Variants in ASAP1 observed in about 807,000 individuals in gnomAD.
ASAP1 encodes ArfGAP with SH3 domain, ankyrin repeat and PH domain 1.
ASAP1 carries 43 observed loss-of-function variants against 145.2 expected under a neutral mutation model. That is an observed-to-expected ratio of 0.30 (90% CI 0.23 to 0.38). ASAP1 has a LOEUF of 0.38. Ranked by LOEUF, ASAP1 falls within the 10% of genes least tolerant of loss-of-function variation. The pLI, the probability that ASAP1 is intolerant of heterozygous loss-of-function variation, is 1.00. For missense variants in ASAP1, 1,018 were observed against 1,355.3 expected (o/e 0.75, Z 3.91); for synonymous variants, 546 against 515.5 (o/e 1.06, Z -0.80).
At chr8:130,323,868 A>AT (rs1484116007) in intron 3 of ASAP1, among the ~76,000 whole-genome samples, 1 of 151,694 alleles carries the variant, frequency 6.6e-6, no homozygotes, top group South Asian at 2.1e-4. Flanking sequence ...ATTACCAGGC[A>AT]TTAAAAAAAA....
chr8:130,116,566 A>C (rs2097556380), intron 22 of ASAP1, 112 bp downstream of exon 22: 7 of 898,054 alleles, frequency 7.8e-6, no homozygotes, highest in Non-Finnish European at 1.1e-5. Context: ...TTTCTTTAGC[A>C]AGTGTTAAAA....
At chr8:130,200,562 A>G (rs1223634131) in intron 5 of ASAP1, among the ~76,000 whole-genome samples, 1 of 152,262 alleles carries the variant, frequency 6.6e-6, no homozygotes, top group Non-Finnish European at 1.5e-5. Context: ...AAAAAATTAT[A>G]TGACTTTAAA....
At chr8:130,188,020 C>A in intron 6 of ASAP1, 89 bp downstream of exon 6, 2 of 937,072 alleles carry the variant, frequency 2.1e-6, no homozygotes, top group South Asian at 1.5e-5. Flanking sequence ...AAGAGTCTTT[C>A]AAATACAAGT....
At chr8:130,256,760 T>TATATATATATATATATATCC (rs1819578218) in intron 3 of ASAP1, among the ~76,000 whole-genome samples, 1 of 95,480 alleles carries the variant, frequency 1.0e-5, no homozygotes, top group African/African-American at 3.7e-5. Context: ...TATATATATA[T>TATATATATATATATATATCC]ATATATATAT....
Position 130,060,799 on chromosome 8 carries a change from G to A in ASAP1, c.2972C>T (p.Pro991Leu). The A allele has an allele frequency of 6.2e-7, 1 of 1,614,104 alleles. No individual in the cohort carries two copies. Among genetic ancestry groups the A allele is most frequent in the Non-Finnish European group, 8.5e-7 (1 of 1,180,020 alleles). The stretch of plus-strand genomic sequence containing the variant: ...TAGCAGGTCTCCCAGCTGTGGTTTG[G>A]GGGGCAGGTCCTTCATCTGTGGTTT... ...PPKPQMKDLP[P>L]KPQLGDLLAK... Residue 991 changes from proline (P) to leucine (L), a missense_variant, in exon 28 of 30, where the codon CCC becomes CTC. This residue lies in a region of ASAP1 where 139 missense variants were observed against 131.0 expected (regional missense o/e 1.06). Coordinates refer to ENST00000518721, the MANE Select transcript of ASAP1 (RefSeq NM_018482.4).
chr8:130,209,339 C>T (rs1410089026), intron 5 of ASAP1, among the ~76,000 whole-genome samples: 1 of 152,166 alleles, frequency 6.6e-6, no homozygotes, highest in Admixed American at 6.5e-5. Flanking sequence ...ACCAGTGGTT[C>T]TCAAAGTATG....
intron 27 of ASAP1, among the ~76,000 whole-genome samples, chr8:130,070,194 G>A (rs915397552): frequency 2.0e-5 from 3 of 152,110 alleles, no homozygotes; most frequent in Non-Finnish European, 4.4e-5. Flanking sequence ...CCGTCACCAT[G>A]CCCGGCTAAT....
intron 2 of ASAP1, among the ~76,000 whole-genome samples, chr8:130,383,064 C>T (rs1428071381): frequency 3.3e-5 from 5 of 152,264 alleles, no homozygotes; most frequent in South Asian, 2.1e-4. Context: ...TACACACTGA[C>T]GGTCTTCCCT....
At chr8:130,242,862 T>A (rs867341637) in intron 3 of ASAP1, among the ~76,000 whole-genome samples, 3 of 152,078 alleles carry the variant, frequency 2.0e-5, no homozygotes, top group African/African-American at 7.2e-5. Context: ...ACCACGCAAA[T>A]GTGTGCTGTT....
intron 2 of ASAP1, among the ~76,000 whole-genome samples, chr8:130,366,883 T>C (rs1284366391): frequency 6.9e-6 from 1 of 144,986 alleles, no homozygotes; most frequent in Non-Finnish European, 1.5e-5. Flanking sequence ...CTATGCTAGA[T>C]TCCTTTTTTT....
At chr8:130,178,975 T>C (rs1814161877) in intron 9 of ASAP1, 1 of 246,728 alleles carries the variant, frequency 4.1e-6, no homozygotes, top group Admixed American at 5.5e-5. Flanking sequence ...CAGGGGATCA[T>C]GCATCTGTAA....
chr8:130,145,008 T>C (rs950351023), intron 13 of ASAP1, among the ~76,000 whole-genome samples: 1 of 152,188 alleles, frequency 6.6e-6, no homozygotes, highest in African/African-American at 2.4e-5. Flanking sequence ...AATGCTACAA[T>C]GCAAATAGAA....
chr8:130,440,270 G>C (rs1429234208), intron 1 of ASAP1, among the ~76,000 whole-genome samples: 4 of 152,042 alleles, frequency 2.6e-5, no homozygotes, highest in African/African-American at 9.7e-5. Flanking sequence ...TGTCCATCAG[G>C]CTGGCCATGG....
intron 5 of ASAP1, among the ~76,000 whole-genome samples, chr8:130,212,715 GACAA>G (rs1235667747): frequency 3.3e-5 from 5 of 152,304 alleles, no homozygotes; most frequent in Non-Finnish European, 4.4e-5. Flanking sequence ...TTTGTATGGA[GACAA>G]ACAAATGTAT....
intron 2 of ASAP1, among the ~76,000 whole-genome samples, chr8:130,373,414 A>G (rs1330281098): frequency 1.3e-5 from 2 of 152,230 alleles, no homozygotes; most frequent in Non-Finnish European, 2.9e-5. Flanking sequence ...GGCTACAAGG[A>G]AGGGAGGAAA....
chr8:130,146,017 T>TG (rs1193169002), intron 13 of ASAP1, among the ~76,000 whole-genome samples: 14 of 74,690 alleles, frequency 1.9e-4, no homozygotes, highest in African/African-American at 5.8e-4. Flanking sequence ...AAGTTTTGTG[T>TG]TTTTTTTTTT....
intron 3 of ASAP1, among the ~76,000 whole-genome samples, chr8:130,272,837 G>T (rs1820666311): frequency 1.3e-5 from 2 of 152,208 alleles, no homozygotes; most frequent in Admixed American, 1.3e-4. Flanking sequence ...TAGAGACTGG[G>T]AAGAGTATGT....
chr8:130,356,377 G>GTA (rs1330590311), intron 3 of ASAP1, among the ~76,000 whole-genome samples: 1 of 152,142 alleles, frequency 6.6e-6, no homozygotes, highest in Non-Finnish European at 1.5e-5. Flanking sequence ...ATCCTTAGAA[G>GTA]TATATACAAT....
chr8:130,127,497 G>A (rs941172146), intron 16 of ASAP1, among the ~76,000 whole-genome samples: 9 of 152,154 alleles, frequency 5.9e-5, no homozygotes, highest in South Asian at 2.1e-4. Context: ...GATTACAGGC[G>A]TGAGCCACCG....
Sources: gnomAD v4.1 joint callset for allele counts (sites outside exome capture counted in the v4.1 genomes callset) on GRCh38, gnomAD v4.1.1 for gene constraint, gnomAD v4.1.1 regional missense constraint, MANE v1.5 for transcripts, NCBI Gene and HGNC (gene_info 2026-07-23, HGNC 2026-07-21) for gene names.